Variants in DISC1 observed in about 807,000 individuals in gnomAD.
DISC1 encodes disrupted in schizophrenia 1 protein.
Under a neutral mutation model 84.5 loss-of-function variants are expected in DISC1, and 57 were observed. The ratio of observed to expected loss-of-function variants is 0.67; its 90% confidence interval spans 0.55 to 0.84. DISC1 has a LOEUF of 0.84. DISC1 is among the 40% of genes least tolerant of loss of function. The pLI, the probability that DISC1 is intolerant of heterozygous loss-of-function variation, is 0.00. For missense variants in DISC1, 1,000 were observed against 1,057.8 expected (o/e 0.95, Z 0.76); for synonymous variants, 411 against 415.2 (o/e 0.99, Z 0.12).
chr1:231,633,317 A>G (rs1483216871), intron 1 of DISC1, among the ~76,000 whole-genome samples: 21 of 152,196 alleles, frequency 1.4e-4, no homozygotes, highest in Admixed American at 1.4e-3. Flanking sequence ...GCTACCCCGA[A>G]AGGCAGAGAG....
chr1:231,911,219 C>T (rs1348664259), intron 9 of DISC1, among the ~76,000 whole-genome samples: 6 of 152,068 alleles, frequency 3.9e-5, no homozygotes, highest in South Asian at 2.1e-4. Context: ...CCTGTCATTA[C>T]GATGTTTGCT....
chr1:231,681,144 A>C (rs1452037049), intron 1 of DISC1, among the ~76,000 whole-genome samples: 2 of 152,222 alleles, frequency 1.3e-5, no homozygotes, highest in Admixed American at 1.3e-4. Context: ...AGCACTTTAC[A>C]CTAAAAGAAA....
chr1:231,871,494 A>G lies in DISC1; in HGVS notation c.1981+52977A>G, dbSNP rs563634800. ...TAAGTGGGTTCTCTCTTTGACTAGA[A>G]TTGTGTCGTTGATGTGGAAGTGCAG... On this transcript the variant is annotated intron_variant, in intron 9 of 12. Coordinates refer to ENST00000439617, the MANE Select transcript of DISC1 (RefSeq NM_018662.3). Among the ~76,000 whole-genome samples the G allele has an allele frequency of 7.2e-5, 11 of 152,324 alleles. 2 individuals are homozygous for G. The highest frequency in any genetic ancestry group is 2.6e-4 in the African/African-American group (11 of 41,580).
chr1:232,014,680 G>A (rs1328207566), intron 11 of DISC1, among the ~76,000 whole-genome samples: 1 of 152,192 alleles, frequency 6.6e-6, no homozygotes, highest in East Asian at 1.9e-4. Flanking sequence ...TGTTTGTAGA[G>A]CCTGCTGATT....
intron 9 of DISC1, chr1:231,866,765 C>T (rs1478892740): frequency 4.7e-6 from 6 of 1,271,892 alleles, no homozygotes; most frequent in Non-Finnish European, 6.1e-6. Context: ...TTCTTTCAAC[C>T]TTGACGAAAG....
intron 9 of DISC1, among the ~76,000 whole-genome samples, chr1:231,911,202 A>G (rs2089168339): frequency 2.6e-5 from 4 of 152,174 alleles, no homozygotes; most frequent in Admixed American, 6.5e-5. Context: ...TTATATGTCA[A>G]TTTGATCCTG....
intron 3 of DISC1, 47 bp from the exon 4 acceptor site, chr1:231,749,879 C>T: frequency 6.2e-7 from 1 of 1,613,540 alleles, no homozygotes; most frequent in Non-Finnish European, 8.5e-7. Flanking sequence ...ATCTATTTTG[C>T]ATTTCATGGT....
intron 9 of DISC1, among the ~76,000 whole-genome samples, chr1:231,844,899 C>T (rs1053768425): frequency 6.7e-6 from 1 of 148,236 alleles, no homozygotes; most frequent in Non-Finnish European, 1.5e-5. Context: ...TGCACTCCAG[C>T]CTGGGCGACA....
intron 9 of DISC1, among the ~76,000 whole-genome samples, chr1:231,830,124 TG>T (rs1225722670): frequency 2.0e-5 from 3 of 152,106 alleles, no homozygotes; most frequent in African/African-American, 4.8e-5. Flanking sequence ...TAAAATGAAA[TG>T]GTGGTAAAGT....
rs35679664 is a variant in DISC1 at position 231,645,504 on chromosome 1, CT to C, written c.67+18582del. ...CCAGGCAGTTTATGTCATGTCACTT[CT>C]TTTTTTTTTTTGTCTTTTAAAAAAT... On this transcript the variant is annotated intron_variant, in intron 1 of 12. Transcript: ENST00000439617. Among the ~76,000 whole-genome samples the C allele has an allele frequency of 0.014, 2,032 of 142,892 alleles. 109 individuals are homozygous for C. The East Asian group carries it at 0.19, about 13-fold the overall frequency. The allele number at this position is 142,892 out of a possible 152,430, so 93.7% of individuals were successfully genotyped here.
At chr1:231,739,284 C>T (rs1456617103) in intron 3 of DISC1, among the ~76,000 whole-genome samples, 2 of 152,186 alleles carry the variant, frequency 1.3e-5, no homozygotes. Flanking sequence ...TATGAACATT[C>T]TCCAATAATC....
intron 9 of DISC1, among the ~76,000 whole-genome samples, chr1:231,908,311 C>G: frequency 6.6e-6 from 1 of 152,222 alleles, no homozygotes; most frequent in East Asian, 1.9e-4. Flanking sequence ...GGTTTTAGGT[C>G]TAACATTTAA....
chr1:231,665,632 A>G (rs1182201954), intron 1 of DISC1, among the ~76,000 whole-genome samples: 1 of 152,264 alleles, frequency 6.6e-6, no homozygotes, highest in African/African-American at 2.4e-5. Flanking sequence ...TTGTAAGAAT[A>G]TAATACATAT....
At chr1:231,720,945 A>C (rs1482627501) in intron 3 of DISC1, 4 of 1,290,866 alleles carry the variant, frequency 3.1e-6, no homozygotes, top group Non-Finnish European at 4.0e-6. Context: ...TTACCTCTGC[A>C]GGAAGTCACT....
At chr1:231,734,368 G>C (rs746123603) in intron 3 of DISC1, among the ~76,000 whole-genome samples, 11 of 152,150 alleles carry the variant, frequency 7.2e-5, no homozygotes, top group Non-Finnish European at 1.5e-4. Context: ...TTTTGGAGGT[G>C]CCCATAATCA....
chr1:232,018,361 A>G (rs1668669933), intron 11 of DISC1, among the ~76,000 whole-genome samples: 1 of 152,240 alleles, frequency 6.6e-6, no homozygotes, highest in Non-Finnish European at 1.5e-5. Context: ...TATGGGAACT[A>G]TAACTGAGTA....
chr1:231,854,706 A>G (rs2084134818), intron 9 of DISC1: 1 of 174,938 alleles, frequency 5.7e-6, no homozygotes, highest in Admixed American at 7.0e-5. Context: ...AAACTAAGGA[A>G]CTAAAATAAT....
At chr1:231,868,800 G>A (rs2085251727) in intron 9 of DISC1, among the ~76,000 whole-genome samples, 1 of 148,338 alleles carries the variant, frequency 6.7e-6, no homozygotes, top group African/African-American at 2.5e-5. Context: ...CAGGCGGATT[G>A]CTCAAGCTCA....
At chr1:231,957,057 A>G (rs1372608603) in intron 9 of DISC1, among the ~76,000 whole-genome samples, 1 of 152,198 alleles carries the variant, frequency 6.6e-6, no homozygotes. Context: ...AGGGAGTGGC[A>G]AGGTTCTGGA....
Sources: gnomAD v4.1 joint callset for allele counts (sites outside exome capture counted in the v4.1 genomes callset) on GRCh38, gnomAD v4.1.1 for gene constraint, MANE v1.5 for transcripts, NCBI Gene and HGNC (gene_info 2026-07-23, HGNC 2026-07-21) for gene names.